Variants in OPRM1 observed in about 807,000 individuals in gnomAD.
The protein encoded by OPRM1 is mu-type opioid receptor.
In OPRM1, 27 loss-of-function variants were observed where a neutral mutation model predicts 31.8. That is an observed-to-expected ratio of 0.85 (90% CI 0.63 to 1.17). The LOEUF (loss-of-function observed/expected upper bound fraction) is 1.17. Among genes scored for constraint, OPRM1 ranks in the 50% most tolerant of loss-of-function variants. OPRM1 has a pLI of 0.00. For missense variants in OPRM1, 536 were observed against 511.1 expected (o/e 1.05, Z -0.47); for synonymous variants, 196 against 189.9 (o/e 1.03, Z -0.26).
At chr6:154,200,750 G>T (rs1326922968) in intron 3 of OPRM1, among the ~76,000 whole-genome samples, 3 of 152,116 alleles carry the variant, frequency 2.0e-5, no homozygotes, top group Non-Finnish European at 4.4e-5. Context: ...AAAAGCTGGA[G>T]CCATTCCAGA....
chr6:154,181,326 G>T (rs546516805), intron 3 of OPRM1, among the ~76,000 whole-genome samples: 2 of 152,238 alleles, frequency 1.3e-5, no homozygotes, highest in Non-Finnish European at 2.9e-5. Flanking sequence ...TTTACTATGT[G>T]ACATGCACTG....
chr6:154,086,718 A>G, intron 1 of OPRM1: 1 of 985,330 alleles, frequency 1.0e-6, no homozygotes, highest in East Asian at 1.1e-4. Flanking sequence ...TAAAGAAACC[A>G]ATTACTTAAC....
intron 3 of OPRM1, chr6:154,091,809 A>C: frequency 9.7e-7 from 1 of 1,029,782 alleles, no homozygotes; most frequent in Non-Finnish European, 1.2e-6. Context: ...TTTTCCCCAG[A>C]ATTATTATAT....
At chr6:154,188,262 A>G (rs1801557785) in intron 3 of OPRM1, among the ~76,000 whole-genome samples, 1 of 152,250 alleles carries the variant, frequency 6.6e-6, no homozygotes, top group Non-Finnish European at 1.5e-5. Flanking sequence ...AGCATTTAAA[A>G]CTATGAAATA....
At chr6:154,136,073 G>C (rs1025616672), downstream of OPRM1, among the ~76,000 whole-genome samples, 2 of 152,152 alleles carry the variant, frequency 1.3e-5, no homozygotes, top group Non-Finnish European at 2.9e-5. Flanking sequence ...ATTCGGCTCT[G>C]CCTCCAGGAA....
intron 3 of OPRM1, among the ~76,000 whole-genome samples, chr6:154,167,005 G>C (rs1799491400): frequency 6.6e-6 from 1 of 151,970 alleles, no homozygotes; most frequent in South Asian, 2.1e-4. Context: ...AGGGTGTTCA[G>C]ATGTTCTACT....
chr6:154,223,042 A>G, intron 3 of OPRM1: 1 of 762,730 alleles, frequency 1.3e-6, no homozygotes, highest in South Asian at 1.6e-5. Context: ...GCCAACCCAT[A>G]ATGCTTCAAA....
chr6:154,114,299 T>A (rs1422067781), intron 3 of OPRM1, among the ~76,000 whole-genome samples: 1 of 152,234 alleles, frequency 6.6e-6, no homozygotes, highest in Non-Finnish European at 1.5e-5. Flanking sequence ...TTGGAGATAC[T>A]GACTTGGGTG....
At chr6:154,213,950 G>C (rs142099716) in intron 3 of OPRM1, among the ~76,000 whole-genome samples, 1 of 152,168 alleles carries the variant, frequency 6.6e-6, no homozygotes, top group Non-Finnish European at 1.5e-5. Flanking sequence ...CATTTGCATC[G>C]GTGACTGTTT....
chr6:154,035,456 C>G (rs987226456), upstream of OPRM1, among the ~76,000 whole-genome samples: 4 of 152,078 alleles, frequency 2.6e-5, no homozygotes, highest in African/African-American at 9.7e-5. Context: ...AGTTAGATAA[C>G]ATAGAAAATA....
chr6:154,228,300 TG>T (rs1480807853), intron 3 of OPRM1, among the ~76,000 whole-genome samples: 3 of 97,744 alleles, frequency 3.1e-5, no homozygotes, highest in African/African-American at 1.3e-4. Context: ...ACCTTGTCTC[TG>T]TTTAAAAAAA....
chr6:154,152,347 G>GAAAGAAAGAAAAGAAAA, intron 3 of OPRM1, among the ~76,000 whole-genome samples: 63 of 65,198 alleles, frequency 9.7e-4, no homozygotes, highest in African/African-American at 3.3e-3. Flanking sequence ...AAGAAAGAAA[G>GAAAGAAAGAAAAGAAAA]GAAAGAAAGA....
chr6:154,167,773 A>G (rs548574674), intron 3 of OPRM1: 2 of 574,282 alleles, frequency 3.5e-6, no homozygotes, highest in South Asian at 6.9e-5. Flanking sequence ...CGTCAAGATC[A>G]TCTTGCCCTA....
intron 3 of OPRM1, among the ~76,000 whole-genome samples, chr6:154,148,568 C>T (rs1053488013): frequency 2.0e-5 from 3 of 152,188 alleles, no homozygotes; most frequent in African/African-American, 7.2e-5. Flanking sequence ...TGCCTGTGTG[C>T]TTCTTCTGAA....
intron 3 of OPRM1, among the ~76,000 whole-genome samples, chr6:154,192,764 G>C (rs187227498): frequency 6.6e-6 from 1 of 152,108 alleles, no homozygotes; most frequent in Non-Finnish European, 1.5e-5. Context: ...ACGAAGAAAT[G>C]TTCAATTAGT....
At chr6:154,146,583 T>C (rs1326024006) in intron 3 of OPRM1, among the ~76,000 whole-genome samples, 1 of 152,216 alleles carries the variant, frequency 6.6e-6, no homozygotes, top group Non-Finnish European at 1.5e-5. Context: ...TGGTGAATGA[T>C]TCTGATATTC....
At chr6:154,048,455 A>T (rs1362629025) in intron 1 of OPRM1, among the ~76,000 whole-genome samples, 2 of 151,584 alleles carry the variant, frequency 1.3e-5, no homozygotes, top group Admixed American at 1.3e-4. Context: ...TACCATTGTT[A>T]AAAAAAAATT....
At chr6:154,053,568 A>C (rs540741687) in intron 1 of OPRM1, among the ~76,000 whole-genome samples, 1 of 152,254 alleles carries the variant, frequency 6.6e-6, no homozygotes, top group Non-Finnish European at 1.5e-5. Flanking sequence ...GGGTAGGCCA[A>C]GGTATTCTAA....
chr6:154,049,717 G>A (rs559957226), intron 1 of OPRM1, among the ~76,000 whole-genome samples: 5 of 152,248 alleles, frequency 3.3e-5, no homozygotes, highest in South Asian at 2.1e-4. Flanking sequence ...AGGTAGAATC[G>A]TTTGAAAACA....
Sources: allele counts gnomAD v4.1 joint callset (sites outside exome capture counted in the v4.1 genomes callset), GRCh38; gene constraint gnomAD v4.1.1; transcripts MANE v1.5; gene names NCBI Gene and HGNC (gene_info 2026-07-23, HGNC 2026-07-21).